Variants in ADGB observed in about 807,000 individuals in gnomAD.
ADGB encodes calpain-7-like protein.
ADGB carries 172 observed loss-of-function variants against 210.5 expected under a neutral mutation model. The observed-to-expected ratio is 0.82, with a 90% CI of 0.72 to 0.93. ADGB has a LOEUF of 0.93. ADGB is among the 40% of genes least tolerant of loss of function. ADGB has a pLI of 0.00. For synonymous variants in ADGB, 658 were observed against 662.7 expected (o/e 0.99, Z 0.11); for missense variants, 2,025 against 1,964.8 (o/e 1.03, Z -0.58).
At chr6:146,718,685 A>G (rs9497614) in intron 16 of ADGB, among the ~76,000 whole-genome samples, 62,768 of 152,120 alleles carry the variant, frequency 0.41, 13,282 homozygotes, top group East Asian at 0.48. Context: ...AGGCCACCCA[A>G]GCCCCTAATG....
intron 12 of ADGB, 145 bp downstream of exon 12, chr6:146,693,060 A>T (rs1776353758): frequency 1.8e-6 from 1 of 550,262 alleles, no homozygotes; most frequent in Admixed American, 3.5e-5. Context: ...CTTTAAAAGG[A>T]CATTTTCTTG....
chr6:146,627,216 G>C (rs1463983628), intron 1 of ADGB, among the ~76,000 whole-genome samples: 1 of 151,998 alleles, frequency 6.6e-6, no homozygotes, highest in Non-Finnish European at 1.5e-5. Flanking sequence ...TAGTATGATT[G>C]TTAGTTAATT....
chr6:146,756,115 C>A (rs1016517718), intron 27 of ADGB, among the ~76,000 whole-genome samples: 2 of 151,998 alleles, frequency 1.3e-5, no homozygotes, highest in Middle Eastern at 3.2e-3. Flanking sequence ...TGTTTGATAT[C>A]CCATCATCTT....
chr6:146,723,842 TTTAAAATTGTATC>T (rs1325018665), intron 17 of ADGB, among the ~76,000 whole-genome samples: 6 of 152,230 alleles, frequency 3.9e-5, no homozygotes, highest in Non-Finnish European at 7.3e-5. Flanking sequence ...GTTTTCTTCC[TTTAAAATTGTATC>T]TAGAAGGATA....
intron 22 of ADGB, 79 bp downstream of exon 22, chr6:146,734,109 G>A: frequency 7.2e-7 from 1 of 1,382,046 alleles, no homozygotes; most frequent in Non-Finnish European, 9.8e-7. Context: ...AAAGTATTTT[G>A]GAGTCCCCCA....
intron 1 of ADGB, among the ~76,000 whole-genome samples, chr6:146,605,378 G>A (rs1314339212): frequency 6.6e-6 from 1 of 152,096 alleles, no homozygotes; most frequent in Admixed American, 6.5e-5. Flanking sequence ...TCCAGTTGCA[G>A]TTTTAATATA....
At chr6:146,682,143 A>C (rs934222602) in intron 9 of ADGB, among the ~76,000 whole-genome samples, 8 of 152,148 alleles carry the variant, frequency 5.3e-5, no homozygotes, top group Admixed American at 2.6e-4. Context: ...ATTTATAGTA[A>C]TTTGGGGTTC....
chr6:146,710,520 C>A (rs1010673169), intron 13 of ADGB, among the ~76,000 whole-genome samples: 1 of 152,060 alleles, frequency 6.6e-6, no homozygotes, highest in South Asian at 2.1e-4. Flanking sequence ...TGAAAAACTC[C>A]TCTTTAATTG....
At chr6:146,798,558 T>G (rs1177152835) in intron 33 of ADGB, among the ~76,000 whole-genome samples, 1 of 152,124 alleles carries the variant, frequency 6.6e-6, no homozygotes, top group Non-Finnish European at 1.5e-5. Flanking sequence ...CACATTTTAA[T>G]GGAGGTTCTT....
At chr6:146,624,253 G>A (rs1383255801) in intron 1 of ADGB, among the ~76,000 whole-genome samples, 2 of 151,790 alleles carry the variant, frequency 1.3e-5, no homozygotes, top group African/African-American at 2.4e-5. Flanking sequence ...TTTATTTAAT[G>A]GATACAGAGA....
intron 19 of ADGB, among the ~76,000 whole-genome samples, chr6:146,728,145 T>C (rs1776924352): frequency 6.6e-6 from 1 of 152,214 alleles, no homozygotes; most frequent in Admixed American, 6.5e-5. Context: ...TCTTGCTTTA[T>C]GATTTTTTTT....
At chr6:146,665,741 G>A (rs945769025) in intron 6 of ADGB, among the ~76,000 whole-genome samples, 1 of 151,912 alleles carries the variant, frequency 6.6e-6, no homozygotes, top group African/African-American at 2.4e-5. Flanking sequence ...GAATTCTGGT[G>A]GAAAGTTTCC....
intron 13 of ADGB, among the ~76,000 whole-genome samples, chr6:146,708,011 C>T (rs1776600575): frequency 6.6e-6 from 1 of 151,876 alleles, no homozygotes; most frequent in East Asian, 1.9e-4. Flanking sequence ...TTATGAATAC[C>T]ATGAGGCTTA....
At chr6:146,792,839 C>CA (rs1385648992) in intron 33 of ADGB, among the ~76,000 whole-genome samples, 1 of 152,150 alleles carries the variant, frequency 6.6e-6, no homozygotes, top group African/African-American at 2.4e-5. Context: ...CATTTATTAT[C>CA]ATTTTAATGT....
At chr6:146,695,757 T>C (rs899457523) in intron 12 of ADGB, among the ~76,000 whole-genome samples, 6 of 152,014 alleles carry the variant, frequency 3.9e-5, no homozygotes, top group African/African-American at 1.2e-4. Flanking sequence ...CTGTCCATAA[T>C]TGTAGCATTT....
intron 35 of ADGB, chr6:146,807,694 T>A: frequency 1.1e-6 from 1 of 911,732 alleles, no homozygotes; most frequent in South Asian, 2.1e-5. Context: ...ATAGAAATTG[T>A]TCTTTCTTAG....
chr6:146,810,675 T>G (rs1448216238), intron 35 of ADGB, among the ~76,000 whole-genome samples: 2 of 152,130 alleles, frequency 1.3e-5, no homozygotes, highest in Admixed American at 6.5e-5. Context: ...TGTAGGGCAT[T>G]ATGCTAAGTG....
intron 10 of ADGB, among the ~76,000 whole-genome samples, chr6:146,686,959 T>A (rs552747036): frequency 6.6e-6 from 1 of 152,286 alleles, no homozygotes; most frequent in South Asian, 2.1e-4. Flanking sequence ...TGCATTACAT[T>A]TGTCTTTTAG....
intron 27 of ADGB, among the ~76,000 whole-genome samples, chr6:146,762,863 C>T (rs987124045): frequency 1.3e-5 from 2 of 152,088 alleles, no homozygotes; most frequent in Non-Finnish European, 2.9e-5. Context: ...TGTGGAACTA[C>T]CAGAATCTTC....
Sources: allele counts gnomAD v4.1 joint callset (sites outside exome capture counted in the v4.1 genomes callset), GRCh38; gene constraint gnomAD v4.1.1; transcripts MANE v1.5; gene names NCBI Gene and HGNC (gene_info 2026-07-23, HGNC 2026-07-21).